Variants in SMAD2 observed in about 807,000 individuals in gnomAD.
SMAD2 encodes SMAD family member 2.
SMAD2 carries 8 observed loss-of-function variants against 64.4 expected under a neutral mutation model. The ratio of observed to expected loss-of-function variants is 0.12; its 90% CI spans 0.07 to 0.22. The LOEUF is 0.22. Among genes scored for constraint, SMAD2 ranks in the 10% least tolerant of loss-of-function variants. The pLI is 1.00. For synonymous variants in SMAD2, 203 were observed against 195.8 expected (o/e 1.04, Z -0.31); for missense variants, 289 against 561.2 (o/e 0.51, Z 4.90).
chr18:47,919,519 CAA>C (rs1271453455), intron 1 of SMAD2, among the ~76,000 whole-genome samples: 13 of 110,340 alleles, frequency 1.2e-4, no homozygotes, highest in South Asian at 3.1e-4. Flanking sequence ...CACACACACA[CAA>C]AGAATAGGAG....
chr18:47,862,550 G>T (rs921891712), intron 6 of SMAD2, among the ~76,000 whole-genome samples: 3 of 152,130 alleles, frequency 2.0e-5, no homozygotes, highest in African/African-American at 7.2e-5. Context: ...ATCTTATAAA[G>T]ACACCAGTCA....
At chr18:47,877,459 TC>T (rs2032330450) in intron 2 of SMAD2, among the ~76,000 whole-genome samples, 2 of 152,276 alleles carry the variant, frequency 1.3e-5, no homozygotes, top group Admixed American at 1.3e-4. Flanking sequence ...GAAGAGTTAA[TC>T]ACTGTAATAA....
chr18:47,920,085 G>C (rs966265273), intron 1 of SMAD2: 2 of 152,260 alleles, frequency 1.3e-5, no homozygotes, highest in Non-Finnish European at 2.9e-5. Flanking sequence ...TCCGGAGGCT[G>C]CAAGTCCGAG....
At chr18:47,907,710 G>A (rs1291367546) in intron 1 of SMAD2, among the ~76,000 whole-genome samples, 1 of 152,146 alleles carries the variant, frequency 6.6e-6, no homozygotes, top group Non-Finnish European at 1.5e-5. Context: ...CCAGCACTTT[G>A]GGAGGCTGAG....
intron 1 of SMAD2, among the ~76,000 whole-genome samples, chr18:47,926,824 G>A (rs552247041): frequency 6.6e-6 from 1 of 152,320 alleles, no homozygotes; most frequent in South Asian, 2.1e-4. Flanking sequence ...AAGAGAGGAA[G>A]AAATCATTTG....
chr18:47,863,448 T>G (rs913926920), intron 6 of SMAD2, among the ~76,000 whole-genome samples: 2 of 152,240 alleles, frequency 1.3e-5, no homozygotes, highest in Admixed American at 1.3e-4. Flanking sequence ...CTTTTGTACT[T>G]TGATTCATTT....
chr18:47,889,099 G>A (rs2033058344), intron 2 of SMAD2, among the ~76,000 whole-genome samples: 1 of 151,710 alleles, frequency 6.6e-6, no homozygotes, highest in African/African-American at 2.4e-5. Context: ...TATCTAAATT[G>A]AAAAAGAGAA....
In SMAD2 at chr18:47,811,570, T is replaced by C. The variant is rs766429579; in HGVS notation, c.*30257A>G. The C allele has an allele frequency of 9.2e-5, 14 of 151,522 alleles. No individual in the cohort carries two copies. Among genetic ancestry groups the C allele is most frequent in the Non-Finnish European group, 1.9e-4 (13 of 67,958 alleles). 9.4% of individuals were successfully genotyped at this position (151,522 alleles called of 1,614,324 possible). A position where few individuals can be genotyped will look rare whatever the true frequency, so the allele number is the denominator to read the frequency against. ...GGCCGCTTTACTTCTGTAAGCTGGGTTGGGTGAATTGGTCCTCAACCATGC... is the reference window on the plus strand; with the variant it reads ...GGCCGCTTTACTTCTGTAAGCTGGGCTGGGTGAATTGGTCCTCAACCATGC... On this transcript the variant is annotated 3_prime_UTR_variant, in exon 11 of 11. Coordinates refer to ENST00000262160, the MANE Select transcript of SMAD2 (RefSeq NM_005901.6).
At chr18:47,880,439 G>T (rs1431468363) in intron 2 of SMAD2, among the ~76,000 whole-genome samples, 1 of 152,176 alleles carries the variant, frequency 6.6e-6, no homozygotes, top group African/African-American at 2.4e-5. Context: ...AAATCATATA[G>T]GCACACAGTG....
Position 47,884,261 on chromosome 18 carries a change from C to T in SMAD2, c.236+12260G>A, listed in dbSNP as rs563803250. ...AATCCCATCCCACATATAGTTCACA[C>T]TTATTAAGCACCAACTATGTACCAA... is the stretch of plus-strand genomic sequence containing the variant. On this transcript the variant is annotated intron_variant, in intron 2 of 10. Transcript: ENST00000262160. 1.1e-4 allele frequency among the ~76,000 whole-genome samples: 16 copies of T among 152,266 alleles called. No homozygotes were observed. The East Asian group carries it at 2.9e-3, about 28-fold the overall frequency.
intron 1 of SMAD2, chr18:47,912,179 G>C (rs191176502): frequency 6.6e-6 from 1 of 152,178 alleles, no homozygotes; most frequent in Non-Finnish European, 1.5e-5. Flanking sequence ...ACTAAAATAC[G>C]GTGCACAGGA....
intron 1 of SMAD2, among the ~76,000 whole-genome samples, chr18:47,908,577 T>C (rs935786940): frequency 2.0e-5 from 3 of 152,184 alleles, no homozygotes; most frequent in Non-Finnish European, 4.4e-5. Flanking sequence ...AGTTAAAATT[T>C]ATCAAAACTT....
chr18:47,878,215 C>G (rs1269244760), intron 2 of SMAD2: 8 of 152,084 alleles, frequency 5.3e-5, no homozygotes. Flanking sequence ...TATAAGAACA[C>G]ACATGAAACA....
At chr18:47,916,874 GTT>G (rs1281226042) in intron 1 of SMAD2, among the ~76,000 whole-genome samples, 3 of 152,180 alleles carry the variant, frequency 2.0e-5, no homozygotes, top group Non-Finnish European at 2.9e-5. Flanking sequence ...TTTGTCTGCA[GTT>G]ATACCATCCC....
chr18:47,917,089 C>T (rs1045032545), intron 1 of SMAD2, among the ~76,000 whole-genome samples: 4 of 152,092 alleles, frequency 2.6e-5, no homozygotes, highest in Non-Finnish European at 4.4e-5. Flanking sequence ...GGTATGATCT[C>T]GGCTCACTGC....
chr18:47,898,496 G>A (rs1182471397), intron 1 of SMAD2, among the ~76,000 whole-genome samples: 1 of 152,110 alleles, frequency 6.6e-6, no homozygotes, highest in Non-Finnish European at 1.5e-5. Context: ...TATTCTTAAC[G>A]TTAAAGAAGA....
intron 2 of SMAD2, among the ~76,000 whole-genome samples, chr18:47,891,681 C>T (rs1244329873): frequency 1.3e-5 from 2 of 151,796 alleles, no homozygotes; most frequent in Admixed American, 1.3e-4. Flanking sequence ...AATGCTGCCA[C>T]GTCTGGCTAG....
At chr18:47,855,670 G>A (rs2030611729) in intron 6 of SMAD2, among the ~76,000 whole-genome samples, 1 of 152,030 alleles carries the variant, frequency 6.6e-6, no homozygotes, top group African/African-American at 2.4e-5. Flanking sequence ...CACCCAGGTT[G>A]GAGGGCAGTG....
Position 47,837,570 on chromosome 18 carries a change from AAAAAAAAAAC to A in SMAD2, c.*4247_*4256del. 2 of 226,874 alleles carry A rather than the reference AAAAAAAAAAC, an allele frequency of 8.8e-6. No homozygotes were observed. Among genetic ancestry groups the A allele is most frequent in the Non-Finnish European group, 8.7e-6 (1 of 115,096 alleles). The allele number at this position is 226,874 out of a possible 1,614,324, so 14.1% of individuals were successfully genotyped here. A position where few individuals can be genotyped will look rare whatever the true frequency, so the allele number is the denominator to read the frequency against. ...GAGCGAGACTCCCTCTCAAAAAAAAAAAAAAAAAACAAAAAACAAGGCTAACAAGAAAGAG... is the reference window on the plus strand; with the variant it reads ...GAGCGAGACTCCCTCTCAAAAAAAAAAAAAAACAAGGCTAACAAGAAAGAG... On this transcript the variant is annotated 3_prime_UTR_variant, in exon 11 of 11. Coordinates refer to ENST00000262160, the MANE Select transcript of SMAD2 (RefSeq NM_005901.6).
Sources: allele counts gnomAD v4.1 joint callset (sites outside exome capture counted in the v4.1 genomes callset), GRCh38; gene constraint gnomAD v4.1.1; transcripts MANE v1.5; gene names NCBI Gene and HGNC (gene_info 2026-07-23, HGNC 2026-07-21).